ADNP: variants seen among roughly 807,000 people sequenced by gnomAD.
ADNP encodes activity-dependent neuroprotector homeobox protein.
ADNP carries 4 observed loss-of-function variants against 84.9 expected under a neutral mutation model. The ratio of observed to expected loss-of-function variants is 0.05; its 90% CI spans 0.02 to 0.11. ADNP has a LOEUF of 0.11. Among genes scored for constraint, ADNP ranks in the 10% least tolerant of loss-of-function variants. The pLI is 1.00. For synonymous variants in ADNP, 554 were observed against 468.1 expected (o/e 1.18, Z -2.37); for missense variants, 1,132 against 1,326.0 (o/e 0.85, Z 2.27).
chr20:50,918,898 C>A (rs1224995413), intron 2 of ADNP, among the ~76,000 whole-genome samples: 4 of 152,070 alleles, frequency 2.6e-5, no homozygotes, highest in Non-Finnish European at 5.9e-5. Flanking sequence ...TTATAGCAAA[C>A]CAACAATCTA....
chr20:50,896,971 T>G (rs939447979), intron 5 of ADNP, among the ~76,000 whole-genome samples: 2 of 152,262 alleles, frequency 1.3e-5, no homozygotes, highest in Admixed American at 6.5e-5. Flanking sequence ...GCAGTTTTTT[T>G]GCTCTTGTCA....
chr20:50,928,971 G>C (rs566750150), intron 1 of ADNP, 146 bp from the exon 2 acceptor site: 1 of 152,298 alleles, frequency 6.6e-6, no homozygotes, highest in South Asian at 2.1e-4. Context: ...AAATTTGGAG[G>C]GAAACGAAAT....
intron 2 of ADNP, among the ~76,000 whole-genome samples, chr20:50,923,329 T>C (rs1984078742): frequency 1.3e-5 from 2 of 152,222 alleles, no homozygotes; most frequent in African/African-American, 4.8e-5. Context: ...TATATTTCTT[T>C]CACTATTCTT....
Position 50,890,489 on chromosome 20 carries a change from G to C in ADNP, c.*916C>G, listed in dbSNP as rs946956117. ...TCCACCATGATGGTGTTGAACTAAAGATAAAACTAAATATCCAAAATGCAG... is the reference window on the plus strand; with the variant it reads ...TCCACCATGATGGTGTTGAACTAAACATAAAACTAAATATCCAAAATGCAG... On this transcript the variant is annotated 3_prime_UTR_variant, in exon 6 of 6. Coordinates refer to ENST00000621696, the MANE Select transcript of ADNP (RefSeq NM_001282531.3). 6.6e-6 allele frequency: 1 copy of C among 152,560 alleles called. No homozygotes were observed. The highest frequency in any genetic ancestry group is 1.5e-5 in the Non-Finnish European group (1 of 68,028). The allele number at this position is 152,560 out of a possible 1,614,324, so 9.5% of individuals were successfully genotyped here.
chr20:50,891,547 C>T lies in ADNP; in HGVS notation c.3167G>A (p.Arg1056His), dbSNP rs778155799. 16 of 1,611,918 alleles carry T rather than the reference C, an allele frequency of 9.9e-6. No individual in the cohort carries two copies. The East Asian group carries it at 1.1e-4, about 11-fold the overall frequency. Reference protein sequence around the residue: ...QWKNASENDERLSNPQIEWQN... With the variant: ...QWKNASENDEHLSNPQIEWQN... ...CCACTCAATCTGGGGGTTAGATAAG[C>T]GCTCATCATTCTCAGATGCATTCTT... The change falls in exon 6 of 6, where the codon CGC becomes CAC. Residue 1056 changes from arginine to histidine, a missense_variant. Arg to His is a conservative substitution (Grantham distance 29). This residue lies in a region of ADNP where 381 missense variants were observed against 319.9 expected (regional missense o/e 1.19). Transcript: ENST00000621696.
At chr20:50,921,249 A>G (rs540338415) in intron 2 of ADNP, among the ~76,000 whole-genome samples, 4 of 152,382 alleles carry the variant, frequency 2.6e-5, no homozygotes, top group South Asian at 2.1e-4. Context: ...TGTGGTTGCC[A>G]TAACAACATC....
chr20:50,891,035 T>A lies in ADNP; in HGVS notation c.*370A>T. 1 of 1,040,734 alleles carries A rather than the reference T, an allele frequency of 9.6e-7. No individual in the cohort carries two copies. The highest frequency in any genetic ancestry group is 1.2e-6 in the Non-Finnish European group (1 of 866,450). 64.5% of individuals were successfully genotyped at this position (1,040,734 alleles called of 1,614,324 possible). A position where few individuals can be genotyped will look rare whatever the true frequency, so the allele number is the denominator to read the frequency against. On this transcript the variant is annotated 3_prime_UTR_variant, in exon 6 of 6. Transcript: ENST00000621696. ...ATACACATTAGACTGGTAGCTTGTA[T>A]GTTGGCCCTACACTACCATGTGAAT...
chr20:50,916,762 G>GA (rs528262000), intron 2 of ADNP, among the ~76,000 whole-genome samples: 31 of 152,274 alleles, frequency 2.0e-4, no homozygotes, highest in Non-Finnish European at 3.8e-4. Flanking sequence ...AGCTGATGAG[G>GA]AAAAAGATAG....
At chr20:50,905,997 G>A (rs6096177) in intron 2 of ADNP, among the ~76,000 whole-genome samples, 2 of 152,184 alleles carry the variant, frequency 1.3e-5, no homozygotes, top group South Asian at 2.1e-4. Context: ...CAGATCACGA[G>A]GTCAAGAGAT....
In ADNP at chr20:50,891,483, A is replaced by C. The variant is rs1980706583; in HGVS notation, c.3231T>G (p.Phe1077Leu). The change falls in exon 6 of 6, where the codon TTT (phenylalanine) becomes TTG (leucine). Residue 1077 changes from phenylalanine (F) to leucine (L), a missense_variant. Around this residue, in one of 10 missense-constraint regions of ADNP, gnomAD observed 381 missense variants for 319.9 expected, o/e 1.19. Coordinates refer to ENST00000621696, the MANE Select transcript of ADNP (RefSeq NM_001282531.3). ...CAGCTACTCCATCAGTCATGTTGTC[A>C]AACTGTTCCCCATCCTCACTGTCAA... ...STIDSEDGEQ[F>L]DNMTDGVAEP... is the part of the protein sequence containing the mutation. The C allele has an allele frequency of 1.9e-6, 3 of 1,612,636 alleles. No individual in the cohort carries two copies. The highest frequency in any genetic ancestry group is 2.5e-6 in the Non-Finnish European group (3 of 1,180,020).
chr20:50,890,871 T>TA lies in ADNP; in HGVS notation c.*533dup, dbSNP rs1568699940. On this transcript the variant is annotated 3_prime_UTR_variant, in exon 6 of 6. Transcript: ENST00000621696. ...GTTTATTACACAGCAAGGGCAACACTAAAAAAAGAAATCTATGATGGGCAC... is the reference window on the plus strand; with the variant it reads ...GTTTATTACACAGCAAGGGCAACACTAAAAAAAAGAAATCTATGATGGGCAC... 1.0e-6 allele frequency: 1 copy of TA among 968,156 alleles called. No homozygotes were observed. The highest frequency in any genetic ancestry group is 1.8e-5 in the African/African-American group (1 of 56,866). 60.0% of individuals were successfully genotyped at this position (968,156 alleles called of 1,614,324 possible).
chr20:50,911,351 C>T (rs545915700), intron 2 of ADNP, among the ~76,000 whole-genome samples: 2 of 152,214 alleles, frequency 1.3e-5, no homozygotes, highest in East Asian at 3.9e-4. Context: ...AGTCTTTTTT[C>T]TATCTTGAGT....
intron 2 of ADNP, chr20:50,913,891 T>C (rs1983287479): frequency 6.5e-6 from 4 of 620,040 alleles, no homozygotes; most frequent in South Asian, 3.3e-5. Context: ...ACATAAATTA[T>C]TGAATTTTTG....
rs1437104875 is a variant in ADNP at position 50,910,457 on chromosome 20, T to A, written c.-89-5608A>T. 5.3e-5 allele frequency among the ~76,000 whole-genome samples: 8 copies of A among 152,258 alleles called. No homozygotes were observed. In the East Asian group the frequency reaches 1.6e-3, roughly 30 times the overall value. On this transcript the variant is annotated intron_variant, in intron 2 of 5. Transcript: ENST00000621696. ...ATGTTTCTATAAGAAAGCATGGGTG[T>A]GGACCTGTGGTCCTAGATATACAGG...
chr20:50,908,491 T>A (rs1252683587), intron 2 of ADNP, among the ~76,000 whole-genome samples: 1 of 152,132 alleles, frequency 6.6e-6, no homozygotes, highest in Non-Finnish European at 1.5e-5. Flanking sequence ...TAATGTTATC[T>A]AGGCTGGGCG....
At chr20:50,927,108 G>C (rs1003746711) in intron 2 of ADNP, among the ~76,000 whole-genome samples, 3 of 152,082 alleles carry the variant, frequency 2.0e-5, no homozygotes, top group African/African-American at 7.2e-5. Context: ...TTGGTTACTT[G>C]CAAGTGGTAC....
intron 2 of ADNP, among the ~76,000 whole-genome samples, chr20:50,906,810 G>A (rs1982519779): frequency 6.6e-6 from 1 of 151,958 alleles, no homozygotes; most frequent in Admixed American, 6.6e-5. Flanking sequence ...CCACAGAGTT[G>A]GTGTTGGGTT....
chr20:50,891,746 C>T lies in ADNP; in HGVS notation c.2968G>A (p.Glu990Lys), dbSNP rs531230573. The change falls in exon 6 of 6, where the codon GAA becomes AAA. Residue 990 changes from glutamate to lysine, a missense_variant. Coordinates refer to ENST00000621696, the MANE Select transcript of ADNP (RefSeq NM_001282531.3). ...TCAGACCAGGTTCCTGGTTTCATTT[C>T]GCAGGTATTGTCCTCAAAGTCTGAC... ...QVSDFEDNTC[E>K]MKPGTWSDES... is the part of the protein sequence containing the mutation. 55 of 1,614,134 alleles carry T rather than the reference C, an allele frequency of 3.4e-5. No homozygotes were observed. The East Asian group carries it at 6.9e-4, about 20-fold the overall frequency.
At chr20:50,925,193 A>G (rs1984202667) in intron 2 of ADNP, among the ~76,000 whole-genome samples, 1 of 152,138 alleles carries the variant, frequency 6.6e-6, no homozygotes, top group Non-Finnish European at 1.5e-5. Context: ...ATTAGAATAA[A>G]AAAACGTGTG....
Sources: gnomAD v4.1 joint callset for allele counts (sites outside exome capture counted in the v4.1 genomes callset) on GRCh38, gnomAD v4.1.1 for gene constraint, gnomAD v4.1.1 regional missense constraint, MANE v1.5 for transcripts, NCBI Gene and HGNC (gene_info 2026-07-23, HGNC 2026-07-21) for gene names.